The following KDM4C variants were observed in gnomAD, a reference collection of about 807,000 sequenced individuals.
KDM4C encodes lysine-specific demethylase 4C.
Under a neutral mutation model 129.3 loss-of-function variants are expected in KDM4C, and 81 were observed. That is an observed-to-expected ratio of 0.63 (90% CI 0.52 to 0.75). The LOEUF is 0.75. Ranked by LOEUF, KDM4C falls within the 30% of genes least tolerant of loss-of-function variation. The pLI is 0.00. For synonymous variants in KDM4C, 573 were observed against 456.1 expected (o/e 1.26, Z -3.26); for missense variants, 1,457 against 1,304.0 (o/e 1.12, Z -1.81).
At chr9:6,893,804 TTAGCTCACA>T (rs1170859940) in intron 8 of KDM4C, among the ~76,000 whole-genome samples, 1 of 152,218 alleles carries the variant, frequency 6.6e-6, no homozygotes, top group Non-Finnish European at 1.5e-5. Flanking sequence ...TGTATTTAAT[TTAGCTCACA>T]TAGTGGGTAT....
chr9:6,989,159 C>T (rs1258285052), intron 11 of KDM4C, among the ~76,000 whole-genome samples: 1 of 152,106 alleles, frequency 6.6e-6, no homozygotes, highest in Non-Finnish European at 1.5e-5. Flanking sequence ...TAGCTGTCAT[C>T]GTATATTGCA....
intron 15 of KDM4C, among the ~76,000 whole-genome samples, chr9:7,034,882 A>G (rs1306036362): frequency 2.0e-5 from 3 of 152,188 alleles, no homozygotes; most frequent in Non-Finnish European, 4.4e-5. Flanking sequence ...CTGGGGTGAA[A>G]GGATAACTCA....
At chr9:6,901,718 G>A (rs1238033431) in intron 8 of KDM4C, among the ~76,000 whole-genome samples, 1 of 152,178 alleles carries the variant, frequency 6.6e-6, no homozygotes, top group African/African-American at 2.4e-5. Flanking sequence ...GAAAAAGATG[G>A]AAGAAAGAAG....
chr9:7,109,527 G>A lies in KDM4C; in HGVS notation c.2610+5657G>A, dbSNP rs992098225. Reference sequence around the variant, plus strand: ...GCCAGAATTACATTTCAGCATATACGCATTTCACTATATTGTTGTGCCCCT... The same window carrying A: ...GCCAGAATTACATTTCAGCATATACACATTTCACTATATTGTTGTGCCCCT... On this transcript the variant is annotated intron_variant, in intron 18 of 21. Coordinates refer to ENST00000381309, the MANE Select transcript of KDM4C (RefSeq NM_015061.6). 3.3e-5 allele frequency among the ~76,000 whole-genome samples: 5 copies of A among 152,278 alleles called. No homozygotes were observed. In the South Asian group the frequency reaches 6.2e-4, roughly 19 times the overall value.
At chr9:7,043,124 T>C (rs1488200329) in intron 15 of KDM4C, among the ~76,000 whole-genome samples, 1 of 152,048 alleles carries the variant, frequency 6.6e-6, no homozygotes, top group Non-Finnish European at 1.5e-5. Context: ...AAATAATAAA[T>C]TACTTAATAA....
In KDM4C at chr9:7,046,911, A is replaced by G. The variant is rs1829484654; in HGVS notation, c.2309A>G (p.Asn770Ser). 3 of 1,583,658 alleles carry G rather than the reference A, an allele frequency of 1.9e-6. No homozygotes were observed. Among genetic ancestry groups the G allele is most frequent in the Non-Finnish European group, 2.6e-6 (3 of 1,152,982 alleles). Residue 770 changes from asparagine (N) to serine (S), a missense_variant, in exon 16 of 22, where the codon AAC (asparagine) becomes AGC (serine). Transcript: ENST00000381309. ...GGAGGTGCTCTTAAGCAAACGAAGA[A>G]CAATAAGTAAGTAATACATTAATTG... ...LRGGALKQTK[N>S]NKWAHVMCAV... is the part of the protein sequence containing the mutation.
At chr9:6,865,904 C>T (rs999338415) in intron 5 of KDM4C, among the ~76,000 whole-genome samples, 6 of 152,108 alleles carry the variant, frequency 3.9e-5, no homozygotes, top group African/African-American at 1.4e-4. Flanking sequence ...GCGCCCGCCA[C>T]CACCATGCCT....
intron 4 of KDM4C, among the ~76,000 whole-genome samples, chr9:6,843,130 T>C (rs937426103): frequency 6.6e-6 from 1 of 152,134 alleles, no homozygotes; most frequent in Non-Finnish European, 1.5e-5. Flanking sequence ...GGTTTCACCA[T>C]ATTGGCCAGG....
At chr9:7,126,717 C>T (rs1376688670) in intron 18 of KDM4C, among the ~76,000 whole-genome samples, 1 of 152,048 alleles carries the variant, frequency 6.6e-6, no homozygotes, top group African/African-American at 2.4e-5. Flanking sequence ...TAAGAGCATA[C>T]CTAAGCACCT....
chr9:6,879,473 CTGTT>C, intron 5 of KDM4C, among the ~76,000 whole-genome samples: 1 of 152,108 alleles, frequency 6.6e-6, no homozygotes, highest in Admixed American at 6.5e-5. Flanking sequence ...TTATTAAAGT[CTGTT>C]TGAAAATTAC....
upstream of KDM4C, among the ~76,000 whole-genome samples, chr9:6,754,532 A>G (rs976135532): frequency 2.6e-5 from 4 of 152,132 alleles, no homozygotes; most frequent in East Asian, 7.7e-4. Context: ...ATATTTGTAA[A>G]AAGTGTAGTG....
intron 4 of KDM4C, among the ~76,000 whole-genome samples, chr9:6,829,558 G>A (rs781437708): frequency 2.0e-5 from 3 of 152,180 alleles, no homozygotes; most frequent in Non-Finnish European, 4.4e-5. Flanking sequence ...GATAGATAAG[G>A]AAGCTCAGAC....
At chr9:6,935,584 A>AT (rs61292057) in intron 8 of KDM4C, among the ~76,000 whole-genome samples, 37,509 of 144,648 alleles carry the variant, frequency 0.26, 5,113 homozygotes, top group South Asian at 0.4. Flanking sequence ...CGCCCGGCTA[A>AT]TTTTTTTTTT....
chr9:6,720,914 T>C, exon 1 of KDM4C: 3 of 1,545,704 alleles, frequency 1.9e-6, no homozygotes, highest in Non-Finnish European at 2.6e-6. Context: ...GTTGGAGTGT[T>C]CTGCATTCAT....
At chr9:6,996,290 A>G (rs1819735621) in intron 12 of KDM4C, among the ~76,000 whole-genome samples, 3 of 152,216 alleles carry the variant, frequency 2.0e-5, no homozygotes, top group Non-Finnish European at 1.5e-5. Context: ...TTGGGCTAAT[A>G]ATCATCCTGC....
At chr9:7,081,925 C>T (rs1405172187) in intron 17 of KDM4C, among the ~76,000 whole-genome samples, 1 of 152,058 alleles carries the variant, frequency 6.6e-6, no homozygotes, top group East Asian at 1.9e-4. Flanking sequence ...TGAATCAGAG[C>T]AGGAACCCAG....
chr9:7,114,357 G>A (rs915007014), intron 18 of KDM4C, among the ~76,000 whole-genome samples: 1 of 152,124 alleles, frequency 6.6e-6, no homozygotes, highest in East Asian at 1.9e-4. Flanking sequence ...TATCTGTTCT[G>A]ATATGTATAT....
At position 7,144,106 on chromosome 9, in the gene KDM4C, T is replaced by G. The variant is rs558133509; in HGVS notation, c.2781+15870T>G. ...TACTCATTACTCCTCTTTTTGTTTT[T>G]TTTTTGTTTTTGTTTTTGTTTTTTT... On this transcript the variant is annotated intron_variant, in intron 19 of 21. Coordinates refer to ENST00000381309, the MANE Select transcript of KDM4C (RefSeq NM_015061.6). Among the ~76,000 whole-genome samples, 166 of 152,216 alleles carry G rather than the reference T, an allele frequency of 1.1e-3. 1 individual carries two copies. The highest frequency in any genetic ancestry group is 1.1e-3 in the Non-Finnish European group (75 of 68,002).
At chr9:6,808,806 T>C (rs1830617279) in intron 3 of KDM4C, among the ~76,000 whole-genome samples, 1 of 152,094 alleles carries the variant, frequency 6.6e-6, no homozygotes, top group African/African-American at 2.4e-5. Context: ...AATGAAGCTC[T>C]ACTTCTTGAA....
Sources: gnomAD v4.1 joint callset for allele counts (sites outside exome capture counted in the v4.1 genomes callset) on GRCh38, gnomAD v4.1.1 for gene constraint, MANE v1.5 for transcripts, NCBI Gene and HGNC (gene_info 2026-07-23, HGNC 2026-07-21) for gene names.